Variants in PRKCQ observed in about 807,000 individuals in gnomAD.
The protein encoded by PRKCQ is protein kinase C theta.
A neutral mutation model predicts 91.2 loss-of-function variants in PRKCQ; 41 were observed. That is an observed-to-expected ratio of 0.45 (90% CI 0.35 to 0.58). The LOEUF (loss-of-function observed/expected upper bound fraction) is 0.58. PRKCQ is among the 20% of genes least tolerant of loss of function. PRKCQ has a pLI of 0.00. For synonymous variants in PRKCQ, 307 were observed against 316.9 expected (o/e 0.97, Z 0.33); for missense variants, 673 against 896.5 (o/e 0.75, Z 3.18).
rs1050120463 is a variant in PRKCQ, at chr10:6,576,962, T to C, written c.-10+3249A>G. Among the ~76,000 whole-genome samples the C allele has an allele frequency of 1.3e-5, 2 of 152,152 alleles. No homozygotes were observed. Among genetic ancestry groups the C allele is most frequent in the Non-Finnish European group, 1.5e-5 (1 of 68,038 alleles). On this transcript the variant is annotated intron_variant, in intron 1 of 17. Coordinates refer to ENST00000263125, the MANE Select transcript of PRKCQ (RefSeq NM_006257.5). The surrounding 1 kb of genome is among the most constrained non-coding windows in gnomAD (Gnocchi z 4.2). ...ATGAAGCAGTAATGCCTCTTACATATAAATAAAATTCTGAGTATGATATAC... is the reference window on the plus strand; with the variant it reads ...ATGAAGCAGTAATGCCTCTTACATACAAATAAAATTCTGAGTATGATATAC...
the PRKCQ span, among the ~76,000 whole-genome samples, chr10:6,399,481 CT>C: frequency 3.6e-4 from 53 of 149,252 alleles, no homozygotes; most frequent in East Asian, 1.2e-3. Context: ...AAATTGCCCC[CT>C]TTTTTTTTTC....
At chr10:6,397,930 A>AG in the PRKCQ span, among the ~76,000 whole-genome samples, 311 of 152,306 alleles carry the variant, frequency 2.0e-3, 2 homozygotes, top group African/African-American at 7.3e-3. Flanking sequence ...CGTCTAAAAA[A>AG]AAAAGAAAGA....
At chr10:6,482,490 G>A (rs1836658591) in intron 11 of PRKCQ, among the ~76,000 whole-genome samples, 1 of 152,206 alleles carries the variant, frequency 6.6e-6, no homozygotes, top group African/African-American at 2.4e-5. Context: ...AAGGCATGGA[G>A]AGAGGGCGAC....
the PRKCQ span, among the ~76,000 whole-genome samples, chr10:6,421,316 C>T: frequency 6.6e-6 from 1 of 152,120 alleles, no homozygotes; most frequent in Non-Finnish European, 1.5e-5. This position sits in a 1 kb window ranked among gnomAD's most constrained non-coding sequence, Gnocchi z 4.1. Context: ...GAGACCCTGT[C>T]TCTACAAAAA....
At chr10:6,510,963 C>T (rs770603469) in intron 3 of PRKCQ, 32 bp downstream of exon 3, 3 of 1,612,342 alleles carry the variant, frequency 1.9e-6, no homozygotes, top group Admixed American at 1.7e-5. Context: ...TCATGCTTAT[C>T]CCTTATGTGC....
intron 1 of PRKCQ, among the ~76,000 whole-genome samples, chr10:6,559,891 C>T (rs1998939): frequency 0.92 from 140,056 of 152,224 alleles, 64,897 homozygotes; most frequent in East Asian, 1. Flanking sequence ...TGTGGTATTT[C>T]GTTACGTACA....
chr10:6,395,404 A>T, the PRKCQ span, among the ~76,000 whole-genome samples: 17 of 152,026 alleles, frequency 1.1e-4, no homozygotes, highest in African/African-American at 3.9e-4. Context: ...CTCCCTGAGC[A>T]TTCAGGGATC....
At chr10:6,423,349 C>T (rs551756699), downstream of PRKCQ, among the ~76,000 whole-genome samples, 39 of 152,266 alleles carry the variant, frequency 2.6e-4, no homozygotes, top group African/African-American at 8.2e-4. Context: ...CTTTGGGTTC[C>T]GGACTTATTT....
At chr10:6,464,464 G>A (rs927263868) in intron 12 of PRKCQ, 60 bp from the exon 13 acceptor site, 1 of 1,437,902 alleles carries the variant, frequency 7.0e-7, no homozygotes, top group Non-Finnish European at 9.7e-7. Context: ...TATTTATTTT[G>A]TCCAAGACAG....
In PRKCQ at chr10:6,552,617, C is replaced by T. The variant is rs562239872; in HGVS notation, c.-10+27594G>A. Among the ~76,000 whole-genome samples, 8 of 152,294 alleles carry T rather than the reference C, an allele frequency of 5.3e-5. No individual in the cohort carries two copies. The East Asian group carries it at 5.8e-4, about 11-fold the overall frequency. ...CTAGTTACACTGCAGGCATGCACCA[C>T]CACACCCAGCTAGTTTCTTTTTTAT... On this transcript the variant is annotated intron_variant, in intron 1 of 17. Coordinates refer to ENST00000263125, the MANE Select transcript of PRKCQ (RefSeq NM_006257.5).
chr10:6,407,032 G>C, the PRKCQ span, among the ~76,000 whole-genome samples: 6 of 152,160 alleles, frequency 3.9e-5, no homozygotes, highest in African/African-American at 1.4e-4. This position sits in a 1 kb window ranked among gnomAD's most constrained non-coding sequence, Gnocchi z 4.0. Context: ...AGATCAATGA[G>C]TGAAGTTTAA....
the PRKCQ span, among the ~76,000 whole-genome samples, chr10:6,421,222 T>C: frequency 6.6e-6 from 1 of 152,206 alleles, no homozygotes; most frequent in Non-Finnish European, 1.5e-5. This position sits in a 1 kb window ranked among gnomAD's most constrained non-coding sequence, Gnocchi z 4.1. Context: ...TGGTAGCTCA[T>C]GCCTGTAATC....
rs369102412 is a variant in PRKCQ, at chr10:6,499,925, T to C, written c.380-1367A>G. ...GAATCCAGCCACATCCCAGGACACA[T>C]TGTAGGACTGAAGTCTTTTCTGTAG... On this transcript the variant is annotated intron_variant, in intron 4 of 17. Transcript: ENST00000263125. 1.7e-4 allele frequency among the ~76,000 whole-genome samples: 26 copies of C among 152,328 alleles called. No individual in the cohort carries two copies. In the East Asian group the frequency reaches 4.2e-3, roughly 25 times the overall value.
At chr10:6,470,388 A>G (rs1264577006) in intron 12 of PRKCQ, among the ~76,000 whole-genome samples, 1 of 152,140 alleles carries the variant, frequency 6.6e-6, no homozygotes, top group Non-Finnish European at 1.5e-5. Context: ...ATATTCCCAC[A>G]GTTTCCCCTG....
chr10:6,452,782 A>G (rs1403926435), intron 15 of PRKCQ, among the ~76,000 whole-genome samples: 1 of 150,702 alleles, frequency 6.6e-6, no homozygotes, highest in African/African-American at 2.4e-5. Context: ...ATCTACAACT[A>G]TCTGATCTTT....
the PRKCQ span, among the ~76,000 whole-genome samples, chr10:6,394,560 C>T: frequency 1.3e-5 from 2 of 152,208 alleles, no homozygotes; most frequent in Non-Finnish European, 2.9e-5. Context: ...AGCGGCATTT[C>T]GGAATGGGTA....
intron 1 of PRKCQ, chr10:6,515,472 T>G (rs1838714455): frequency 1.9e-5 from 19 of 985,264 alleles, no homozygotes; most frequent in Non-Finnish European, 2.2e-5. Flanking sequence ...TTCCAATATT[T>G]TATGTCTTCT....
At chr10:6,579,657 T>C (rs1588445489) in intron 1 of PRKCQ, among the ~76,000 whole-genome samples, 1 of 151,660 alleles carries the variant, frequency 6.6e-6, no homozygotes, top group African/African-American at 2.4e-5. Flanking sequence ...TTCTTTTTTT[T>C]TTTTTTTTGG....
intron 1 of PRKCQ, among the ~76,000 whole-genome samples, chr10:6,533,447 T>A (rs1366009282): frequency 1.3e-5 from 2 of 152,174 alleles, no homozygotes; most frequent in Non-Finnish European, 2.9e-5. Context: ...TCCACCCGCC[T>A]CAGCCTCCCA....
Sources: allele counts gnomAD v4.1 joint callset (sites outside exome capture counted in the v4.1 genomes callset), GRCh38; gene constraint gnomAD v4.1.1; non-coding constraint Gnocchi (gnomAD v3.1); transcripts MANE v1.5; gene names NCBI Gene and HGNC (gene_info 2026-07-23, HGNC 2026-07-21).